The following SGCZ variants were observed in gnomAD, a reference collection of about 807,000 sequenced individuals.
The protein encoded by SGCZ is zeta-sarcoglycan.
A neutral mutation model predicts 41.3 loss-of-function variants in SGCZ; 40 were observed. The observed-to-expected ratio is 0.97, with a 90% CI of 0.75 to 1.26. The LOEUF is 1.26. SGCZ is among the 50% of genes most tolerant of loss of function. SGCZ has a pLI of 0.00. For synonymous variants in SGCZ, 206 were observed against 137.5 expected, an observed-to-expected ratio of 1.50 and a Z score of -3.49; for missense variants, 552 against 369.8, an observed-to-expected ratio of 1.49 and a Z score of -4.04.
At chr8:14,446,395 G>T (rs1288660402) in intron 2 of SGCZ, among the ~76,000 whole-genome samples, 1 of 152,096 alleles carries the variant, frequency 6.6e-6, no homozygotes, top group East Asian at 1.9e-4. Context: ...TCTTCTCTTT[G>T]TGGGTCTGAT....
At chr8:14,848,224 G>A (rs910283943) in intron 1 of SGCZ, among the ~76,000 whole-genome samples, 6 of 152,046 alleles carry the variant, frequency 3.9e-5, no homozygotes, top group Non-Finnish European at 5.9e-5. Flanking sequence ...CAAAATAAAG[G>A]AAGCCATAGC....
At chr8:14,551,490 T>A (rs111734639) in intron 2 of SGCZ, among the ~76,000 whole-genome samples, 19 of 2,656 alleles carry the variant, frequency 7.2e-3, no homozygotes, top group African/African-American at 0.021. Context: ...TTATATATAT[T>A]ATATATATTA....
chr8:14,320,389 A>G (rs1043735732), intron 3 of SGCZ, among the ~76,000 whole-genome samples: 1 of 151,640 alleles, frequency 6.6e-6, no homozygotes, highest in Non-Finnish European at 1.5e-5. Flanking sequence ...ATCAGGAAAG[A>G]CATTTGCTGT....
At chr8:15,164,958 T>A (rs1349339174) in intron 1 of SGCZ, among the ~76,000 whole-genome samples, 1 of 152,114 alleles carries the variant, frequency 6.6e-6, no homozygotes, top group Non-Finnish European at 1.5e-5. Flanking sequence ...CAACTGGGTT[T>A]TCTTCTGCCT....
chr8:14,102,096 AT>A (rs1256892222), intron 7 of SGCZ, among the ~76,000 whole-genome samples: 2,466 of 107,240 alleles, frequency 0.023, 92 homozygotes, highest in African/African-American at 0.091. Context: ...ATATATATAT[AT>A]ATATATAATT....
At chr8:15,154,873 C>T (rs1169626290) in intron 1 of SGCZ, among the ~76,000 whole-genome samples, 2 of 152,132 alleles carry the variant, frequency 1.3e-5, no homozygotes, top group East Asian at 1.9e-4. Flanking sequence ...TACAAAATTA[C>T]AGCTAGATAG....
chr8:14,266,052 C>T (rs2117248935), intron 3 of SGCZ, among the ~76,000 whole-genome samples: 1 of 152,136 alleles, frequency 6.6e-6, no homozygotes, highest in Non-Finnish European at 1.5e-5. Flanking sequence ...AGGTAGAAGA[C>T]ATATTCAAAG....
At chr8:15,235,879 T>A (rs1318012661) in intron 1 of SGCZ, among the ~76,000 whole-genome samples, 1 of 152,202 alleles carries the variant, frequency 6.6e-6, no homozygotes, top group Non-Finnish European at 1.5e-5. Context: ...CATACATTCT[T>A]CTTCGCATCT....
chr8:14,984,382 T>C (rs138332789), intron 1 of SGCZ, among the ~76,000 whole-genome samples: 1 of 152,314 alleles, frequency 6.6e-6, no homozygotes, highest in African/African-American at 2.4e-5. Context: ...CCTGATTGTC[T>C]TATGATATTT....
intron 5 of SGCZ, among the ~76,000 whole-genome samples, chr8:14,153,713 T>C (rs533716353): frequency 6.6e-6 from 1 of 151,986 alleles, no homozygotes; most frequent in Admixed American, 6.6e-5. Context: ...CACATAGCCA[T>C]TGATGTGTCT....
At chr8:15,108,628 A>C (rs1806926652) in intron 1 of SGCZ, among the ~76,000 whole-genome samples, 1 of 152,202 alleles carries the variant, frequency 6.6e-6, no homozygotes, top group Non-Finnish European at 1.5e-5. Context: ...GGAGGTTTAA[A>C]TTCTAGCCCC....
intron 2 of SGCZ, among the ~76,000 whole-genome samples, chr8:14,518,891 TACCAAA>T (rs1308628584): frequency 3.5e-5 from 2 of 57,614 alleles, no homozygotes; most frequent in Admixed American, 4.2e-4. Flanking sequence ...ACCCCATCTC[TACCAAA>T]AAAAAAAAAA....
chr8:14,491,233 G>C (rs1008383944), intron 2 of SGCZ, among the ~76,000 whole-genome samples: 4 of 151,988 alleles, frequency 2.6e-5, no homozygotes, highest in African/African-American at 9.6e-5. Flanking sequence ...GCGATACACC[G>C]AACAGACACA....
chr8:15,063,614 T>C (rs1438283162), intron 1 of SGCZ, among the ~76,000 whole-genome samples: 1 of 152,184 alleles, frequency 6.6e-6, no homozygotes, highest in Non-Finnish European at 1.5e-5. Context: ...ACAGCTATAC[T>C]GTCTTCATTA....
intron 5 of SGCZ, among the ~76,000 whole-genome samples, chr8:14,132,920 C>T (rs1047393046): frequency 6.6e-6 from 1 of 152,114 alleles, no homozygotes. Context: ...GACTGAAATT[C>T]GCTTTGTGTG....
chr8:15,086,107 T>C (rs1324974993), intron 1 of SGCZ, among the ~76,000 whole-genome samples: 4 of 152,210 alleles, frequency 2.6e-5, no homozygotes, highest in Admixed American at 2.6e-4. Flanking sequence ...TTAATTAGCA[T>C]TCTTCAGATA....
chr8:14,756,527 C>G (rs1273313559), intron 1 of SGCZ, among the ~76,000 whole-genome samples: 1 of 152,128 alleles, frequency 6.6e-6, no homozygotes, highest in East Asian at 1.9e-4. Flanking sequence ...TCCCACAGTA[C>G]TCTGCAGATG....
At chr8:14,592,473 A>T (rs779803816) in intron 1 of SGCZ, among the ~76,000 whole-genome samples, 1 of 152,048 alleles carries the variant, frequency 6.6e-6, no homozygotes, top group Non-Finnish European at 1.5e-5. Flanking sequence ...ATTCTTTCTT[A>T]ATTTTACAAA....
intron 1 of SGCZ, among the ~76,000 whole-genome samples, chr8:15,225,385 T>A (rs1383878269): frequency 6.6e-6 from 1 of 152,184 alleles, no homozygotes; most frequent in African/African-American, 2.4e-5. Context: ...GAAAAGAAGA[T>A]GTATTTCAGA....
Sources: gnomAD v4.1 joint callset for allele counts (sites outside exome capture counted in the v4.1 genomes callset) on GRCh38, gnomAD v4.1.1 for gene constraint, MANE v1.5 for transcripts, NCBI Gene and HGNC (gene_info 2026-07-23, HGNC 2026-07-21) for gene names.